ATF1: variants seen among roughly 807,000 people sequenced by gnomAD.
ATF1 encodes the protein activating transcription factor 1, also known as cyclic AMP-dependent transcription factor ATF-1.
ATF1 carries 16 observed loss-of-function variants against 34.7 expected under a neutral mutation model. That is an observed-to-expected ratio of 0.46 (90% CI 0.31 to 0.70). ATF1 has a LOEUF of 0.70. Ranked by LOEUF, ATF1 falls within the 30% of genes least tolerant of loss-of-function variation. The probability of loss-of-function intolerance (pLI) is 0.05; values close to 1 mark genes in which losing one functional copy is unlikely to be tolerated. For synonymous variants in ATF1, 105 were observed against 113.1 expected (o/e 0.93, Z 0.46); for missense variants, 255 against 321.6 (o/e 0.79, Z 1.58).
chr12:50,780,291 A>G, intron 2 of ATF1, 53 bp downstream of exon 2: 1 of 1,418,748 alleles, frequency 7.0e-7, no homozygotes, highest in Non-Finnish European at 9.9e-7. Flanking sequence ...TTTTATATGC[A>G]GATTAATCTC....
intron 4 of ATF1, among the ~76,000 whole-genome samples, chr12:50,810,714 T>C (rs918308366): frequency 6.6e-6 from 1 of 152,148 alleles, no homozygotes; most frequent in Non-Finnish European, 1.5e-5. Context: ...CTAACATTAA[T>C]CTGTTTCATT....
At chr12:50,814,838 T>TA in intron 6 of ATF1, among the ~76,000 whole-genome samples, 1 of 142,292 alleles carries the variant, frequency 7.0e-6, no homozygotes, top group Non-Finnish European at 1.6e-5. Flanking sequence ...TTTTTTTTTT[T>TA]AAAGTTAACT....
At chr12:50,814,724 A>G (rs549216623) in intron 6 of ATF1, among the ~76,000 whole-genome samples, 5 of 152,210 alleles carry the variant, frequency 3.3e-5, no homozygotes, top group South Asian at 2.1e-4. Flanking sequence ...GCAATTATGT[A>G]TAGAACATAA....
intron 2 of ATF1, among the ~76,000 whole-genome samples, chr12:50,786,466 T>C (rs1427920647): frequency 6.6e-6 from 1 of 152,098 alleles, no homozygotes; most frequent in Non-Finnish European, 1.5e-5. Context: ...TACCCTCTTG[T>C]AGGTTTTTCT....
In ATF1 at chr12:50,814,302, A is replaced by G. The variant is rs774055278; in HGVS notation, c.534A>G (p.Thr178=). The change falls in exon 6 of 7, where the codon ACA becomes ACG. Residue 178 remains threonine (T), a synonymous_variant. Transcript: ENST00000262053. The stretch of plus-strand genomic sequence containing the variant: ...TAGCTGCATCAGGAGATATGCAAAC[A>G]TATCAGATCCGAACTACACCTTCAG... ...VVQTASGDMQ[T]YQIRTTPSAT... is the part of the protein sequence containing the mutation. 3 of 1,614,236 alleles carry G rather than the reference A, an allele frequency of 1.9e-6. No homozygotes were observed. The highest frequency in any genetic ancestry group is 1.1e-5 in the South Asian group (1 of 91,084).
chr12:50,811,675 T>A (rs1941741356), intron 4 of ATF1, among the ~76,000 whole-genome samples: 1 of 149,118 alleles, frequency 6.7e-6, no homozygotes, highest in Admixed American at 6.7e-5. Flanking sequence ...ATGTGACTAG[T>A]CCCATCTACT....
At chr12:50,783,516 G>A (rs1337094654) in intron 2 of ATF1, among the ~76,000 whole-genome samples, 1 of 152,142 alleles carries the variant, frequency 6.6e-6, no homozygotes, top group Admixed American at 6.6e-5. Context: ...CATATTTACG[G>A]TGAAGTGGAA....
chr12:50,793,450 C>A (rs113490860), intron 2 of ATF1, among the ~76,000 whole-genome samples: 3,565 of 151,954 alleles, frequency 0.023, 66 homozygotes, highest in Non-Finnish European at 0.03. Context: ...ATGGTGAAAC[C>A]CCATCTCTAC....
rs1428618450 is a variant in ATF1, at chr12:50,778,515, G to T, written c.-6-1625G>T. Among the ~76,000 whole-genome samples, 20 of 151,664 alleles carry T rather than the reference G, an allele frequency of 1.3e-4. 1 individual carries two copies. Among genetic ancestry groups the T allele is most frequent in the Admixed American group, 1.3e-3 (20 of 15,222 alleles). Reference sequence around the variant, plus strand: ...TGAGATTACAGGCGTGAGCCACCGCGCCTGGCCATATTAACCATTTTTAAA... The same window carrying T: ...TGAGATTACAGGCGTGAGCCACCGCTCCTGGCCATATTAACCATTTTTAAA... On this transcript the variant is annotated intron_variant, in intron 1 of 6. Transcript: ENST00000262053.
At chr12:50,773,444 CTTTTTTTT>C (rs71086476) in intron 1 of ATF1, among the ~76,000 whole-genome samples, 12 of 89,588 alleles carry the variant, frequency 1.3e-4, no homozygotes, top group South Asian at 8.4e-4. Context: ...AATTGCCATT[CTTTTTTTT>C]TTTTTTTTTT....
intron 2 of ATF1, among the ~76,000 whole-genome samples, chr12:50,780,446 A>C (rs10876088): frequency 2.2e-4 from 33 of 151,234 alleles, no homozygotes; most frequent in Middle Eastern, 3.4e-3. Flanking sequence ...CTGGGTTCAA[A>C]CAATTCTCCT....
intron 3 of ATF1, chr12:50,806,542 G>A (rs1194078857): frequency 5.4e-5 from 12 of 222,612 alleles, no homozygotes; most frequent in East Asian, 1.0e-4. Flanking sequence ...GCACAGCCAC[G>A]GCAACGCCAG....
intron 3 of ATF1, among the ~76,000 whole-genome samples, chr12:50,801,754 C>T (rs1466846089): frequency 6.6e-6 from 1 of 152,096 alleles, no homozygotes. Flanking sequence ...AAGCATTTGA[C>T]AAAAATCCAG....
At position 50,820,174 on chromosome 12, in the gene ATF1, ATGTG is replaced by A. The variant is rs34967117; in HGVS notation, c.*409_*412del. ...AATTTACCTTTTTTTAGTTATATATATGTGTGTGTGTGTGTGTAATTTCTGCCAA... is the reference window on the plus strand; with the variant it reads ...AATTTACCTTTTTTTAGTTATATATATGTGTGTGTGTGTAATTTCTGCCAA... On this transcript the variant is annotated 3_prime_UTR_variant, in exon 7 of 7. Transcript: ENST00000262053. The A allele has an allele frequency of 5.2e-5, 11 of 213,200 alleles. No individual in the cohort carries two copies. Among genetic ancestry groups the A allele is most frequent in the Admixed American group, 3.9e-4 (7 of 17,838 alleles). 13.2% of individuals were successfully genotyped at this position (213,200 alleles called of 1,614,324 possible).
intron 3 of ATF1, among the ~76,000 whole-genome samples, chr12:50,807,976 A>G (rs1941652230): frequency 6.6e-6 from 1 of 151,766 alleles, no homozygotes; most frequent in Non-Finnish European, 1.5e-5. Context: ...TGCCCAGCTA[A>G]TTTTTGCATT....
intron 1 of ATF1, among the ~76,000 whole-genome samples, chr12:50,766,742 T>G (rs922502005): frequency 2.6e-5 from 4 of 151,476 alleles, no homozygotes; most frequent in Middle Eastern, 3.4e-3. Context: ...CCTGAGGTTT[T>G]CATTGTCGGC....
At chr12:50,766,664 A>G (rs144250612) in intron 1 of ATF1, among the ~76,000 whole-genome samples, 478 of 46,702 alleles carry the variant, frequency 0.01, 13 homozygotes, top group East Asian at 0.08. Flanking sequence ...CCCTCCCCCC[A>G]TAAAAGGGGA....
At chr12:50,763,856 G>C (rs1026082770), upstream of ATF1, 15 of 152,138 alleles carry the variant, frequency 9.9e-5, no homozygotes, top group Non-Finnish European at 4.4e-5. Context: ...AAGGAGAAAC[G>C]GAACCGCAGG....
Position 50,796,978 on chromosome 12 carries a change from G to A in ATF1, c.194+969G>A, listed in dbSNP as rs576585940. On this transcript the variant is annotated intron_variant, in intron 3 of 6. Transcript: ENST00000262053. ...GCAACAAAATGAAAAGGCAACTTACGGACTGGGAAAAAATTATTTGCAAAC... is the reference window on the plus strand; with the variant it reads ...GCAACAAAATGAAAAGGCAACTTACAGACTGGGAAAAAATTATTTGCAAAC... Among the ~76,000 whole-genome samples, 12 of 152,268 alleles carry A rather than the reference G, an allele frequency of 7.9e-5. No homozygotes were observed. In the South Asian group the frequency reaches 1.9e-3, roughly 24 times the overall value.
Sources: gnomAD v4.1 joint callset for allele counts (sites outside exome capture counted in the v4.1 genomes callset) on GRCh38, gnomAD v4.1.1 for gene constraint, MANE v1.5 for transcripts, NCBI Gene and HGNC (gene_info 2026-07-23, HGNC 2026-07-21) for gene names.